Variants in ZNF578 observed in about 807,000 individuals in gnomAD.
ZNF578 encodes zinc finger protein 578, also known as Putative chemokine-related protein B42.
A neutral mutation model predicts 8.3 loss-of-function variants in ZNF578; 8 were observed. The ratio of observed to expected loss-of-function variants is 0.96; its 90% CI spans 0.56 to 1.74. ZNF578 has a LOEUF of 1.74. ZNF578 is among the 40% of genes most tolerant of loss of function. The probability of loss-of-function intolerance (pLI) is 0.00; values close to 1 mark genes in which losing one functional copy is unlikely to be tolerated. For synonymous variants in ZNF578, 206 were observed against 232.2 expected (o/e 0.89, Z 1.03); for missense variants, 726 against 707.5 (o/e 1.03, Z -0.30).
At position 52,481,698 on chromosome 19, in the gene ZNF578, G is replaced by GA. The variant is rs200978476; in HGVS notation, c.-121-9619dup. ...TAGGAAATGGGGAAGTGAAGTGGGA[G>GA]AAAAAAATCACTTTCTGTTATTACA... On this transcript the variant is annotated intron_variant, in intron 2 of 5. Transcript: ENST00000421239. Among the ~76,000 whole-genome samples, 745 of 151,994 alleles carry GA rather than the reference G, an allele frequency of 4.9e-3. 6 individuals are homozygous for GA. The highest frequency in any genetic ancestry group is 0.016 in the African/African-American group (682 of 41,458).
intron 5 of ZNF578, among the ~76,000 whole-genome samples, chr19:52,510,033 C>G (rs1178598343): frequency 1.3e-5 from 2 of 152,016 alleles, no homozygotes; most frequent in East Asian, 3.9e-4. Context: ...AGGCACGGGC[C>G]AGCACACCTG....
Position 52,510,904 on chromosome 19 carries a change from A to G in ZNF578, c.523A>G (p.Lys175Glu). The G allele has an allele frequency of 6.2e-7, 1 of 1,614,196 alleles. No individual in the cohort carries two copies. Among genetic ancestry groups the G allele is most frequent in the Non-Finnish European group, 8.5e-7 (1 of 1,180,030 alleles). The change falls in exon 6 of 6, where the codon AAA becomes GAA. Residue 175 changes from lysine (K) to glutamate (E), a missense_variant. Lys to Glu is a moderately conservative substitution (Grantham distance 56). Transcript: ENST00000421239. ...ACTCCACATATTTCAGCCCGAAGAG[A>G]AAATTGCTAATCAAGTGGAGAAGTC... ...PELHIFQPEE[K>E]IANQVEKSVN...
chr19:52,476,948 T>G (rs1461333352), intron 2 of ZNF578, among the ~76,000 whole-genome samples: 1 of 152,226 alleles, frequency 6.6e-6, no homozygotes, highest in East Asian at 1.9e-4. Flanking sequence ...TCCCAAACCC[T>G]TTGTTCCCTC....
chr19:52,493,298 C>T (rs965305804), intron 3 of ZNF578, among the ~76,000 whole-genome samples: 3 of 152,074 alleles, frequency 2.0e-5, no homozygotes, highest in Non-Finnish European at 4.4e-5. Context: ...CTTAAGGCGC[C>T]GTCGCCCCCT....
intron 1 of ZNF578, chr19:52,454,503 T>A (rs1284079039): frequency 6.6e-6 from 1 of 152,240 alleles, no homozygotes; most frequent in East Asian, 1.9e-4. Flanking sequence ...AGGATTCCCA[T>A]GACCCAGTCT....
At chr19:52,504,896 T>TTTGA (rs1166338131) in intron 5 of ZNF578, 115 bp downstream of exon 5, 5 of 1,553,610 alleles carry the variant, frequency 3.2e-6, no homozygotes, top group South Asian at 1.2e-5. Context: ...TGTTTGATTG[T>TTTGA]TTGTTTGGTT....
At chr19:52,483,049 G>A (rs561980524) in intron 2 of ZNF578, among the ~76,000 whole-genome samples, 2 of 152,112 alleles carry the variant, frequency 1.3e-5, no homozygotes, top group Admixed American at 6.6e-5. Flanking sequence ...CAGCCTGAGT[G>A]ATAGAGTGTG....
intron 5 of ZNF578, among the ~76,000 whole-genome samples, chr19:52,507,430 T>C (rs143722784): frequency 1.3e-5 from 2 of 152,102 alleles, no homozygotes; most frequent in East Asian, 3.9e-4. Context: ...TGGTGGCATG[T>C]GTCTGTAGTC....
intron 2 of ZNF578, among the ~76,000 whole-genome samples, chr19:52,465,575 T>C (rs1271110302): frequency 6.6e-6 from 1 of 152,178 alleles, no homozygotes; most frequent in Non-Finnish European, 1.5e-5. Context: ...CTTCTCCCTT[T>C]GTTCTTTTAA....
intron 3 of ZNF578, among the ~76,000 whole-genome samples, chr19:52,498,683 G>A (rs1168848374): frequency 1.6e-5 from 1 of 61,704 alleles, no homozygotes; most frequent in Non-Finnish European, 2.8e-5. Context: ...TCGCCTGGCC[G>A]CTTTTTTTTT....
intron 2 of ZNF578, among the ~76,000 whole-genome samples, chr19:52,471,607 G>A (rs2059292036): frequency 6.6e-6 from 1 of 152,086 alleles, no homozygotes; most frequent in Admixed American, 6.6e-5. Flanking sequence ...TAACAATCAT[G>A]GTACCCCAAG....
chr19:52,499,785 A>C (rs951691906), intron 3 of ZNF578, among the ~76,000 whole-genome samples: 2 of 150,668 alleles, frequency 1.3e-5, no homozygotes, highest in South Asian at 4.2e-4. Context: ...TCCTGGGATC[A>C]AGGGATTCTC....
At chr19:52,469,885 A>G (rs2059286849) in intron 2 of ZNF578, among the ~76,000 whole-genome samples, 1 of 152,194 alleles carries the variant, frequency 6.6e-6, no homozygotes, top group South Asian at 2.1e-4. Context: ...GAAATTGCCA[A>G]AAATCAGACA....
intron 3 of ZNF578, among the ~76,000 whole-genome samples, chr19:52,501,448 G>T (rs949275837): frequency 2.6e-5 from 4 of 152,232 alleles, no homozygotes; most frequent in Non-Finnish European, 5.9e-5. Context: ...GCAGCATTGA[G>T]CATGGAAGCT....
intron 1 of ZNF578, chr19:52,456,598 A>G (rs1246698799): frequency 1.3e-5 from 2 of 152,274 alleles, no homozygotes; most frequent in African/African-American, 4.8e-5. Context: ...AGCACCCCAC[A>G]GCTGCAGCAT....
chr19:52,497,694 A>G (rs1222086524), intron 3 of ZNF578, among the ~76,000 whole-genome samples: 1 of 152,160 alleles, frequency 6.6e-6, no homozygotes, highest in Non-Finnish European at 1.5e-5. Flanking sequence ...ATTTTCTACT[A>G]TGTGATATAT....
intron 5 of ZNF578, among the ~76,000 whole-genome samples, chr19:52,505,514 C>T (rs1249771901): frequency 2.6e-5 from 4 of 152,018 alleles, no homozygotes; most frequent in African/African-American, 4.8e-5. Flanking sequence ...CTCCGCCTCC[C>T]GGGTTCAAGC....
chr19:52,507,612 G>A lies in ZNF578; in HGVS notation c.190+2831G>A, dbSNP rs567738761. 3.3e-5 allele frequency among the ~76,000 whole-genome samples: 5 copies of A among 152,332 alleles called. No individual in the cohort carries two copies. In the East Asian group the frequency reaches 7.7e-4, roughly 23 times the overall value. Reference sequence around the variant, plus strand: ...AATTTATTTCTCATTAATCTGGAAAGTGGGAAATCCAAGAGCAAGATGTCA... The same window carrying A: ...AATTTATTTCTCATTAATCTGGAAAATGGGAAATCCAAGAGCAAGATGTCA... On this transcript the variant is annotated intron_variant, in intron 5 of 5. Transcript: ENST00000421239.
At position 52,460,144 on chromosome 19, in the gene ZNF578, A is replaced by G. The variant is rs190880135; in HGVS notation, c.-122+3186A>G. On this transcript the variant is annotated intron_variant, in intron 2 of 5. Transcript: ENST00000421239. ...TACGTGTGTGTATGTATATAGATGT[A>G]TAAAATATCTACACACACCCATGCC... Among the ~76,000 whole-genome samples the G allele has an allele frequency of 7.1e-4, 108 of 151,836 alleles. 1 individual carries two copies. The highest frequency in any genetic ancestry group is 3.4e-3 in the Middle Eastern group (1 of 294).
Sources: allele counts gnomAD v4.1 joint callset (sites outside exome capture counted in the v4.1 genomes callset), GRCh38; gene constraint gnomAD v4.1.1; transcripts MANE v1.5; gene names NCBI Gene and HGNC (gene_info 2026-07-23, HGNC 2026-07-21).